Variants in GTF2F2 observed in about 807,000 individuals in gnomAD.
The protein encoded by GTF2F2 is general transcription factor IIF subunit 2, also known as ATP-dependent helicase GTF2F2.
A neutral mutation model predicts 42.2 loss-of-function variants in GTF2F2; 23 were observed. That is an observed-to-expected ratio of 0.55 (90% CI 0.39 to 0.77). The LOEUF (loss-of-function observed/expected upper bound fraction) is 0.77, where lower values mean the gene tolerates loss of function less well. Ranked by LOEUF, GTF2F2 falls within the 30% of genes least tolerant of loss-of-function variation. GTF2F2 has a pLI of 0.00. For missense variants in GTF2F2, 261 were observed against 287.2 expected (o/e 0.91, Z 0.66); for synonymous variants, 105 against 100.8 (o/e 1.04, Z -0.25).
chr13:45,257,202 A>ATC (rs1876137553), intron 6 of GTF2F2, among the ~76,000 whole-genome samples: 2 of 152,172 alleles, frequency 1.3e-5, no homozygotes, highest in Admixed American at 6.5e-5. Context: ...TTCAGAAACC[A>ATC]TCTACTGGGC....
chr13:45,184,276 T>C (rs1206562659), intron 4 of GTF2F2, among the ~76,000 whole-genome samples: 1 of 152,132 alleles, frequency 6.6e-6, no homozygotes, highest in African/African-American at 2.4e-5. Context: ...GGTGTGGCTG[T>C]TCCCTTGTTG....
At chr13:45,229,804 T>C (rs1242852183) in intron 5 of GTF2F2, among the ~76,000 whole-genome samples, 5 of 152,144 alleles carry the variant, frequency 3.3e-5, no homozygotes, top group Non-Finnish European at 7.4e-5. Context: ...GGTCACACCC[T>C]CCTCTTTTCT....
intron 1 of GTF2F2, among the ~76,000 whole-genome samples, chr13:45,128,730 A>C (rs1016327473): frequency 6.6e-6 from 1 of 152,026 alleles, no homozygotes; most frequent in Non-Finnish European, 1.5e-5. Context: ...AGTACCTTGG[A>C]TCACAAGTGT....
At chr13:45,200,085 C>T (rs963569243) in intron 4 of GTF2F2, among the ~76,000 whole-genome samples, 20 of 151,792 alleles carry the variant, frequency 1.3e-4, no homozygotes, top group African/African-American at 4.4e-4. Context: ...AGTTTAGCAG[C>T]AGTATTTTGT....
chr13:45,187,329 C>G (rs1357386368), intron 4 of GTF2F2, among the ~76,000 whole-genome samples: 1 of 152,014 alleles, frequency 6.6e-6, no homozygotes, highest in Non-Finnish European at 1.5e-5. Context: ...TCTAAAATAA[C>G]TGGTGGTTGA....
intron 2 of GTF2F2, among the ~76,000 whole-genome samples, chr13:45,142,839 C>A (rs1030132751): frequency 2.0e-5 from 3 of 151,838 alleles, no homozygotes; most frequent in Non-Finnish European, 4.4e-5. Context: ...GAATGTCTTA[C>A]AGTGCATGTG....
intron 7 of GTF2F2, among the ~76,000 whole-genome samples, chr13:45,278,031 TTTA>T (rs1444129507): frequency 6.6e-6 from 1 of 152,246 alleles, no homozygotes. Flanking sequence ...ATATAATTGA[TTTA>T]TTATTATGCT....
At chr13:45,126,564 C>G (rs546319153) in intron 1 of GTF2F2, among the ~76,000 whole-genome samples, 4 of 152,176 alleles carry the variant, frequency 2.6e-5, no homozygotes, top group Non-Finnish European at 5.9e-5. Context: ...GAACCACTTT[C>G]TTATGCTGCC....
At chr13:45,271,241 A>G (rs550861310) in intron 7 of GTF2F2, among the ~76,000 whole-genome samples, 14 of 151,394 alleles carry the variant, frequency 9.2e-5, no homozygotes, top group Admixed American at 6.6e-4. Context: ...CAGTGAGCGG[A>G]GATTGCGCCA....
chr13:45,140,316 G>A (rs1459324304), intron 2 of GTF2F2, among the ~76,000 whole-genome samples: 1 of 152,080 alleles, frequency 6.6e-6, no homozygotes, highest in Non-Finnish European at 1.5e-5. Context: ...TCAGATATAG[G>A]GGGCCAACTG....
At chr13:45,264,386 A>G (rs1876480237) in intron 6 of GTF2F2, among the ~76,000 whole-genome samples, 1 of 151,756 alleles carries the variant, frequency 6.6e-6, no homozygotes, top group African/African-American at 2.4e-5. Flanking sequence ...GCTTCAAGCG[A>G]TTCTGCTGCC....
At position 45,175,653 on chromosome 13, in the gene GTF2F2, G is replaced by A. The variant is rs1012307728; in HGVS notation, c.304+23822G>A. 2.6e-5 allele frequency among the ~76,000 whole-genome samples: 4 copies of A among 152,030 alleles called. No individual in the cohort carries two copies. In the East Asian group the frequency reaches 5.8e-4, roughly 22 times the overall value. On this transcript the variant is annotated intron_variant, in intron 4 of 7. Transcript: ENST00000340473. ...TCTCTTTTTTTTGAGATGAAGGTTC[G>A]CTCTTTTTGCCCAGGCTGAAGTGCA... is the stretch of plus-strand genomic sequence containing the variant.
rs1046464100 is a variant in GTF2F2 at position 45,239,054 on chromosome 13, G to A, written c.387-13817G>A. Among the ~76,000 whole-genome samples the A allele has an allele frequency of 7.2e-5, 11 of 152,228 alleles. No individual in the cohort carries two copies. In the Middle Eastern group the frequency reaches 0.01, roughly 142 times the overall value. The stretch of plus-strand genomic sequence containing the variant: ...TTGGACAAAATCTCCAGGCAGTACA[G>A]TCTTAGGTATCTTGTTGCTCACAGA... On this transcript the variant is annotated intron_variant, in intron 5 of 7. Coordinates refer to ENST00000340473, the MANE Select transcript of GTF2F2 (RefSeq NM_004128.3).
In GTF2F2 at chr13:45,284,735, A is replaced by C. The variant is rs1252730309; in HGVS notation, c.*1174A>C. 1 of 152,232 alleles carries C rather than the reference A, an allele frequency of 6.6e-6. No individual in the cohort carries two copies. Among genetic ancestry groups the C allele is most frequent in the African/African-American group, 2.4e-5 (1 of 41,476 alleles). The allele number at this position is 152,232 out of a possible 1,614,324, so 9.4% of individuals were successfully genotyped here. ...AGCAATGCCAAAAATTGAAGAAAAT[A>C]TTATATAATTAAAGCAAGAAGATAT... On this transcript the variant is annotated 3_prime_UTR_variant, in exon 8 of 8. Coordinates refer to ENST00000340473, the MANE Select transcript of GTF2F2 (RefSeq NM_004128.3).
intron 1 of GTF2F2, among the ~76,000 whole-genome samples, chr13:45,132,296 T>A (rs1869400152): frequency 6.6e-6 from 1 of 152,212 alleles, no homozygotes; most frequent in African/African-American, 2.4e-5. Flanking sequence ...CAGCCAGGGT[T>A]GGATTCTCAT....
chr13:45,199,311 G>A (rs1873059290), intron 4 of GTF2F2, among the ~76,000 whole-genome samples: 1 of 152,190 alleles, frequency 6.6e-6, no homozygotes, highest in South Asian at 2.1e-4. Context: ...GTCAAAAGGA[G>A]CACAAATAAA....
intron 5 of GTF2F2, among the ~76,000 whole-genome samples, chr13:45,250,296 C>G (rs1232720985): frequency 6.6e-6 from 1 of 152,072 alleles, no homozygotes; most frequent in East Asian, 1.9e-4. Context: ...CTCAAGTAAT[C>G]TGCCTGCCTC....
chr13:45,212,499 C>CTT (rs1555269206), intron 5 of GTF2F2, among the ~76,000 whole-genome samples: 1 of 102,336 alleles, frequency 9.8e-6, no homozygotes, highest in Non-Finnish European at 2.2e-5. Flanking sequence ...TTCTTTCTTT[C>CTT]TTTCTTTCTT....
At chr13:45,166,894 C>G (rs1871320048) in intron 4 of GTF2F2, among the ~76,000 whole-genome samples, 2 of 152,068 alleles carry the variant, frequency 1.3e-5, no homozygotes, top group Non-Finnish European at 1.5e-5. Context: ...AGTTTAAAAT[C>G]TCTTGAAAGT....
Sources: allele counts gnomAD v4.1 joint callset (sites outside exome capture counted in the v4.1 genomes callset), GRCh38; gene constraint gnomAD v4.1.1; transcripts MANE v1.5; gene names NCBI Gene and HGNC (gene_info 2026-07-23, HGNC 2026-07-21).